The following PLCB2 variants were observed in gnomAD, a reference collection of about 807,000 sequenced individuals.
The protein encoded by PLCB2 is 1-phosphatidylinositol 4,5-bisphosphate phosphodiesterase beta-2.
In PLCB2, 115 loss-of-function variants were observed where a neutral mutation model predicts 141.7. The observed-to-expected ratio is 0.81, with a 90% CI of 0.70 to 0.95. The LOEUF is 0.95. PLCB2 is among the 40% of genes least tolerant of loss of function. PLCB2 has a pLI of 0.00. For missense variants in PLCB2, 1,403 were observed against 1,541.1 expected (o/e 0.91, Z 1.50); for synonymous variants, 603 against 595.6 (o/e 1.01, Z -0.18).
chr15:40,295,589 G>T (rs1295529527), intron 16 of PLCB2, among the ~76,000 whole-genome samples: 2 of 152,222 alleles, frequency 1.3e-5, no homozygotes, highest in Non-Finnish European at 2.9e-5. Flanking sequence ...GCTGAGCCTA[G>T]GGGGTCAGTA....
Position 40,295,050 on chromosome 15 carries a change from G to A in PLCB2, c.1792C>T (p.Arg598Cys), listed in dbSNP as rs61755438. 4.5e-5 allele frequency: 72 copies of A among 1,612,624 alleles called. No individual in the cohort carries two copies. The highest frequency in any genetic ancestry group is 2.3e-4 in the African/African-American group (17 of 74,976). Reference sequence around the variant, plus strand: ...TTGGGGTAAATGCGGCTCATCTGGCGCTTGTTGTAGCTGTCCCTGAGTTTA... The same window carrying A: ...TTGGGGTAAATGCGGCTCATCTGGCACTTGTTGTAGCTGTCCCTGAGTTTA... Reference protein sequence around the residue: ...ASVQFVDYNKRQMSRIYPKGT... With the variant: ...ASVQFVDYNKCQMSRIYPKGT... Residue 598 changes from arginine to cysteine, a missense_variant, in exon 18 of 32, where the codon CGC becomes TGC. Physicochemically the swap from Arg to Cys is radical, Grantham distance 180 (BLOSUM62 -3). This residue lies in a region of PLCB2 where 975 missense variants were observed against 1,141.1 expected (regional missense o/e 0.85). Transcript: ENST00000260402.
In PLCB2 at chr15:40,302,302, G is replaced by C; in HGVS notation, c.420C>G (p.Ala140=). ...CCAGGAAGGTGCTGCGGGAGGCGTT[G>C]GCCGTCAGCGGATGTTTGACTAGGG... ...VLALVKHPLT[A]NASRSTFLDK... The change falls in exon 5 of 32, where the codon GCC becomes GCG. Residue 140 remains alanine (A), a synonymous_variant. Coordinates refer to ENST00000260402, the MANE Select transcript of PLCB2 (RefSeq NM_004573.3). The C allele has an allele frequency of 6.2e-7, 1 of 1,614,162 alleles. No individual in the cohort carries two copies. The highest frequency in any genetic ancestry group is 8.5e-7 in the Non-Finnish European group (1 of 1,180,020).
intron 18 of PLCB2, 146 bp downstream of exon 18, chr15:40,294,790 C>A (rs1595652608): frequency 1.0e-6 from 1 of 981,262 alleles, no homozygotes; most frequent in Non-Finnish European, 1.5e-6. Flanking sequence ...CATTTCTACC[C>A]CCAAATTCTC....
At chr15:40,299,688 A>T (rs2040412948) in intron 7 of PLCB2, among the ~76,000 whole-genome samples, 1 of 152,260 alleles carries the variant, frequency 6.6e-6, no homozygotes, top group Admixed American at 6.5e-5. Flanking sequence ...ATTTGGAGAC[A>T]CCAAAAGCAC....
intron 7 of PLCB2, chr15:40,300,613 G>T (rs2141139870): frequency 6.6e-6 from 1 of 152,236 alleles, no homozygotes; most frequent in African/African-American, 2.4e-5. Context: ...GCTACAACAT[G>T]GATAAACCTT....
In PLCB2 at chr15:40,296,812, T is replaced by C; in HGVS notation, c.1420A>G (p.Ser474Gly). 1.2e-6 allele frequency: 2 copies of C among 1,614,150 alleles called. No homozygotes were observed. Among genetic ancestry groups the C allele is most frequent in the Non-Finnish European group, 1.7e-6 (2 of 1,179,986 alleles). ...TCAGCCTCCCCACCAGTATCCTTAC[T>C]GGAGGAGGTGGGGCCAGAAAACTGG... ...KNQFSGPTSSSKDTGGEAEGS... is the reference protein window; with the variant it reads ...KNQFSGPTSSGKDTGGEAEGS... Residue 474 changes from serine to glycine, a missense_variant, in exon 14 of 32, where the codon AGT becomes GGT. Around this residue, in one of 4 missense-constraint regions of PLCB2, gnomAD observed 975 missense variants for 1,141.1 expected, o/e 0.85. Transcript: ENST00000260402.
intron 6 of PLCB2, 34 bp downstream of exon 6, chr15:40,302,102 C>T: frequency 6.2e-7 from 1 of 1,612,796 alleles, no homozygotes; most frequent in Non-Finnish European, 8.5e-7. Context: ...TTTGGGGAGC[C>T]CCTGGAAGCC....
At chr15:40,305,175 C>CTT (rs11320842) in intron 1 of PLCB2, among the ~76,000 whole-genome samples, 102 of 134,826 alleles carry the variant, frequency 7.6e-4, no homozygotes, top group Admixed American at 1.1e-3. Context: ...TTTGTGATCT[C>CTT]TTTTTTTTTT....
At chr15:40,289,501 G>A in intron 30 of PLCB2, 143 bp from the exon 31 acceptor site, 1 of 660,744 alleles carries the variant, frequency 1.5e-6, no homozygotes, top group East Asian at 2.6e-5. Flanking sequence ...TGTAAGATAA[G>A]GATAGCAGCA....
Position 40,291,392 on chromosome 15 carries a change from G to GCCGCT in PLCB2, c.2738_2742dup (p.Arg915SerfsTer71). The GCCGCT allele has an allele frequency of 6.5e-7, 1 of 1,534,444 alleles. No individual in the cohort carries two copies. The highest frequency in any genetic ancestry group is 8.7e-7 in the Non-Finnish European group (1 of 1,145,800). ...AGCTCCTCCCAGCGCCGCGCTCCGC[G>GCCGCT]CCGCTCCAACTCTCGCAGCTCCTTC... is the stretch of plus-strand genomic sequence containing the variant. On this transcript the variant is annotated frameshift_variant, in exon 26 of 32. Transcript: ENST00000260402. LOFTEE classifies it high-confidence loss of function.
chr15:40,303,114 C>G (rs1029625837), intron 3 of PLCB2, among the ~76,000 whole-genome samples, 174 bp downstream of exon 3: 1 of 152,206 alleles, frequency 6.6e-6, no homozygotes, highest in African/African-American at 2.4e-5. Context: ...CCCAGGCGAG[C>G]CCAGGAGCTG....
At chr15:40,289,005 C>A in intron 31 of PLCB2, 87 bp from the exon 32 acceptor site, 1 of 1,537,380 alleles carries the variant, frequency 6.5e-7, no homozygotes, top group South Asian at 1.2e-5. Context: ...AGGAGATGCC[C>A]AATATCCATG....
Position 40,288,787 on chromosome 15 carries a change from G to A in PLCB2, c.3486C>T (p.Cys1162=), listed in dbSNP as rs61755439. The change falls in exon 32 of 32, where the codon TGC becomes TGT. Residue 1162 remains cysteine (C), a synonymous_variant. Coordinates refer to ENST00000260402, the MANE Select transcript of PLCB2 (RefSeq NM_004573.3). ...SEAKDKPERA[C]ECPPELCEQD... ...GCTCACACAGCTCTGGGGGGCACTC[G>A]CAGGCCCTCTCAGGCTTGTCCTTGG... 1.2e-3 allele frequency: 2,007 copies of A among 1,613,904 alleles called. 25 individuals carry two copies. In the African/African-American group the frequency reaches 0.024, roughly 19 times the overall value.
In PLCB2 at chr15:40,297,775, T is replaced by A. The variant is rs2040301268; in HGVS notation, c.1238+102A>T. On this transcript the variant is annotated intron_variant, in intron 12 of 31. Transcript: ENST00000260402. The surrounding 1 kb of genome is among the most constrained non-coding windows in gnomAD (Gnocchi z 4.2). ...GATTATACTGAGACGTGGGAGAAGC[T>A]GTAGGCAATGGTTAGAGGCTGGGGC... 1 of 1,012,064 alleles carries A rather than the reference T, an allele frequency of 9.9e-7. No individual in the cohort carries two copies. Among genetic ancestry groups the A allele is most frequent in the Non-Finnish European group, 1.5e-6 (1 of 647,558 alleles). 62.7% of individuals were successfully genotyped at this position (1,012,064 alleles called of 1,614,324 possible).
At position 40,297,674 on chromosome 15, in the gene PLCB2, C is replaced by A; in HGVS notation, c.1239-69G>T. 2 of 1,313,750 alleles carry A rather than the reference C, an allele frequency of 1.5e-6. No individual in the cohort carries two copies. The highest frequency in any genetic ancestry group is 1.2e-5 in the South Asian group (1 of 81,112). 81.4% of individuals were successfully genotyped at this position (1,313,750 alleles called of 1,614,324 possible). ...CAACCCTATTATGCATCCTTTTGTGCCCTTGATGACCCAGATCAGGGGCCA... is the reference window on the plus strand; with the variant it reads ...CAACCCTATTATGCATCCTTTTGTGACCTTGATGACCCAGATCAGGGGCCA... On this transcript the variant is annotated intron_variant, in intron 12 of 31. Coordinates refer to ENST00000260402, the MANE Select transcript of PLCB2 (RefSeq NM_004573.3). The surrounding 1 kb of genome is among the most constrained non-coding windows in gnomAD (Gnocchi z 4.2).
At chr15:40,287,756 G>A (rs1279256679), downstream of PLCB2, 1 of 169,420 alleles carries the variant, frequency 5.9e-6, no homozygotes, top group Non-Finnish European at 1.2e-5. Flanking sequence ...AAGTCCAGAG[G>A]CAGGGCCATT....
At chr15:40,307,539 C>T (rs370971880) in intron 1 of PLCB2, 50 bp downstream of exon 1, 32 of 1,220,426 alleles carry the variant, frequency 2.6e-5, no homozygotes, top group African/African-American at 4.5e-5. Flanking sequence ...CGTAGCAGCC[C>T]GGCCCCCACC....
intron 20 of PLCB2, 151 bp downstream of exon 20, chr15:40,293,409 G>C: frequency 1.3e-6 from 1 of 754,306 alleles, no homozygotes; most frequent in Non-Finnish European, 2.2e-6. Context: ...TGTAAACTTG[G>C]GTTTTGCACT....
chr15:40,296,074 C>T (rs1334898018), intron 16 of PLCB2, among the ~76,000 whole-genome samples: 1 of 152,146 alleles, frequency 6.6e-6, no homozygotes, highest in African/African-American at 2.4e-5. Flanking sequence ...CAGGCCATCC[C>T]AGCCAAGGTG....
Sources: allele counts gnomAD v4.1 joint callset (sites outside exome capture counted in the v4.1 genomes callset), GRCh38; gene constraint gnomAD v4.1.1; regional missense constraint gnomAD v4.1.1; non-coding constraint Gnocchi (gnomAD v3.1); transcripts MANE v1.5; gene names NCBI Gene and HGNC (gene_info 2026-07-23, HGNC 2026-07-21).